RAB3C: variants seen among roughly 807,000 people sequenced by gnomAD.
RAB3C encodes the protein RAB3C, member RAS oncogene family, also known as ras-related protein Rab-3C.
In RAB3C, 17 loss-of-function variants were observed where a neutral mutation model predicts 26.4. That is an observed-to-expected ratio of 0.64 (90% confidence interval 0.44 to 0.97). RAB3C has a LOEUF of 0.97. Among genes scored for constraint, RAB3C ranks in the 50% least tolerant of loss-of-function variants. The pLI is 0.00. For synonymous variants in RAB3C, 91 were observed against 95.9 expected (o/e 0.95, Z 0.30); for missense variants, 242 against 281.9 (o/e 0.86, Z 1.01).
chr5:58,640,112 G>A (rs936684277), intron 2 of RAB3C, among the ~76,000 whole-genome samples: 1 of 152,088 alleles, frequency 6.6e-6, no homozygotes, highest in Admixed American at 6.6e-5. Flanking sequence ...TTAAAGTGTG[G>A]GCTTGATTTC....
At chr5:58,626,930 C>G (rs1278018966) in intron 2 of RAB3C, among the ~76,000 whole-genome samples, 1 of 152,112 alleles carries the variant, frequency 6.6e-6, no homozygotes, top group Non-Finnish European at 1.5e-5. Context: ...GACAAGGTGG[C>G]ATATCTTCTG....
intron 3 of RAB3C, among the ~76,000 whole-genome samples, chr5:58,814,308 C>T (rs1743163401): frequency 6.6e-6 from 1 of 152,178 alleles, no homozygotes; most frequent in Admixed American, 6.5e-5. Context: ...TCCCATAGGA[C>T]TCCCTTGGTC....
At chr5:58,642,953 G>C (rs1747438964) in intron 2 of RAB3C, among the ~76,000 whole-genome samples, 1 of 152,218 alleles carries the variant, frequency 6.6e-6, no homozygotes, top group Admixed American at 6.5e-5. Flanking sequence ...AGGGATCTTA[G>C]AAGGTCACAT....
chr5:58,722,353 G>T (rs1740789235), intron 2 of RAB3C, among the ~76,000 whole-genome samples: 1 of 151,372 alleles, frequency 6.6e-6, no homozygotes, highest in Non-Finnish European at 1.5e-5. Flanking sequence ...GTCTATTGTA[G>T]TGCAGAGAAG....
chr5:58,656,271 T>G (rs1354025927), intron 2 of RAB3C, among the ~76,000 whole-genome samples: 2 of 152,120 alleles, frequency 1.3e-5, no homozygotes, highest in Non-Finnish European at 2.9e-5. Context: ...AATAAAACAT[T>G]TCATAATACC....
intron 3 of RAB3C, among the ~76,000 whole-genome samples, chr5:58,803,411 T>C (rs898126530): frequency 2.6e-5 from 4 of 152,238 alleles, no homozygotes; most frequent in African/African-American, 7.2e-5. Context: ...TTTTGATATA[T>C]GAGAATCAGT....
At chr5:58,698,496 C>G (rs1024153689) in intron 2 of RAB3C, among the ~76,000 whole-genome samples, 1 of 152,180 alleles carries the variant, frequency 6.6e-6, no homozygotes, top group Non-Finnish European at 1.5e-5. Context: ...GGGAAGTTCT[C>G]CTGGATAATG....
intron 3 of RAB3C, among the ~76,000 whole-genome samples, chr5:58,777,849 G>T (rs764733173): frequency 1.8e-4 from 28 of 151,570 alleles, no homozygotes; most frequent in Non-Finnish European, 3.1e-4. Context: ...GTGGTGTTTG[G>T]TTTTTTGTCC....
At chr5:58,849,706 C>G (rs558859783) in intron 4 of RAB3C, among the ~76,000 whole-genome samples, 2 of 152,158 alleles carry the variant, frequency 1.3e-5, no homozygotes, top group African/African-American at 2.4e-5. Context: ...TGGATTTTAA[C>G]GAGAGTAGCT....
chr5:58,598,288 T>C (rs1746372347), intron 1 of RAB3C, among the ~76,000 whole-genome samples: 1 of 150,730 alleles, frequency 6.6e-6, no homozygotes, highest in African/African-American at 2.4e-5. Context: ...AGCCTTTTAA[T>C]GATTCCCAAT....
At chr5:58,612,095 T>C (rs928369670) in intron 1 of RAB3C, among the ~76,000 whole-genome samples, 1 of 152,022 alleles carries the variant, frequency 6.6e-6, no homozygotes, top group Non-Finnish European at 1.5e-5. Flanking sequence ...TCTATATGTC[T>C]TGTTTTTGTA....
intron 3 of RAB3C, among the ~76,000 whole-genome samples, chr5:58,761,519 T>C (rs1462106707): frequency 6.6e-6 from 1 of 152,202 alleles, no homozygotes; most frequent in Non-Finnish European, 1.5e-5. Flanking sequence ...TTGAACTGTT[T>C]CCAAGGTAAC....
intron 4 of RAB3C, among the ~76,000 whole-genome samples, chr5:58,827,137 T>A (rs943027026): frequency 7.0e-6 from 1 of 141,858 alleles, no homozygotes; most frequent in East Asian, 2.0e-4. Context: ...TCTGAAAAAA[T>A]GATAATTTTT....
chr5:58,820,771 G>A (rs1232899234), intron 3 of RAB3C, among the ~76,000 whole-genome samples: 3 of 152,120 alleles, frequency 2.0e-5, no homozygotes, highest in Non-Finnish European at 4.4e-5. Flanking sequence ...TGAAGAGGAT[G>A]GATCTCATAT....
At chr5:58,822,975 G>C in intron 3 of RAB3C, 3 of 625,436 alleles carry the variant, frequency 4.8e-6, no homozygotes, top group Non-Finnish European at 9.1e-6. Context: ...ACCATCACTG[G>C]CAATAAAGTT....
At chr5:58,619,322 A>G (rs753963349) in intron 2 of RAB3C, among the ~76,000 whole-genome samples, 30 of 152,130 alleles carry the variant, frequency 2.0e-4, no homozygotes, top group Non-Finnish European at 2.9e-4. Flanking sequence ...TAATGGAGAT[A>G]CCTATCACAC....
At chr5:58,627,515 A>AAAAAAAAAAAACAAAAC (rs1325212744) in intron 2 of RAB3C, among the ~76,000 whole-genome samples, 1 of 60,558 alleles carries the variant, frequency 1.7e-5, no homozygotes, top group Non-Finnish European at 3.3e-5. Flanking sequence ...AAAAAAAAAA[A>AAAAAAAAAAAACAAAAC]AAAACACAGC....
At chr5:58,755,899 A>T (rs993192320) in intron 3 of RAB3C, among the ~76,000 whole-genome samples, 2 of 152,238 alleles carry the variant, frequency 1.3e-5, no homozygotes, top group Non-Finnish European at 2.9e-5. Context: ...GCAAATTAAC[A>T]TCACATTCTT....
At chr5:58,593,614 T>C (rs1489779136) in intron 1 of RAB3C, among the ~76,000 whole-genome samples, 2 of 152,188 alleles carry the variant, frequency 1.3e-5, no homozygotes, top group African/African-American at 4.8e-5. Flanking sequence ...TGCAAAATTG[T>C]AAAAATAAAA....
Sources: gnomAD v4.1 joint callset for allele counts (sites outside exome capture counted in the v4.1 genomes callset) on GRCh38, gnomAD v4.1.1 for gene constraint, MANE v1.5 for transcripts, NCBI Gene and HGNC (gene_info 2026-07-23, HGNC 2026-07-21) for gene names.